The following PLXNC1 variants were observed in gnomAD, a reference collection of about 807,000 sequenced individuals.
PLXNC1 encodes plexin C1.
Under a neutral mutation model 178.2 loss-of-function variants are expected in PLXNC1, and 75 were observed. That is an observed-to-expected ratio of 0.42 (90% CI 0.35 to 0.51). The LOEUF (loss-of-function observed/expected upper bound fraction) is 0.51, where lower values mean the gene tolerates loss of function less well. Ranked by LOEUF, PLXNC1 falls within the 20% of genes least tolerant of loss-of-function variation. PLXNC1 has a pLI of 0.02. For missense variants in PLXNC1, 1,503 were observed against 1,984.4 expected (o/e 0.76, Z 4.61); for synonymous variants, 790 against 779.9 (o/e 1.01, Z -0.22).
At chr12:94,213,809 C>T (rs1277074040) in intron 5 of PLXNC1, among the ~76,000 whole-genome samples, 1 of 151,488 alleles carries the variant, frequency 6.6e-6, no homozygotes, top group Non-Finnish European at 1.5e-5. Flanking sequence ...GTCTTTAATC[C>T]ATCTTGAATT....
intron 15 of PLXNC1, among the ~76,000 whole-genome samples, chr12:94,253,544 A>G (rs1964760646): frequency 6.6e-6 from 1 of 152,232 alleles, no homozygotes; most frequent in Non-Finnish European, 1.5e-5. Flanking sequence ...GGGAATCACT[A>G]CATCATACTC....
chr12:94,162,378 G>A (rs1802100345), intron 1 of PLXNC1, among the ~76,000 whole-genome samples: 1 of 152,162 alleles, frequency 6.6e-6, no homozygotes, highest in Non-Finnish European at 1.5e-5. Flanking sequence ...TGCAGGAGGA[G>A]AAGAATGGCA....
chr12:94,233,862 A>G (rs768016147), intron 9 of PLXNC1, among the ~76,000 whole-genome samples: 1 of 152,112 alleles, frequency 6.6e-6, no homozygotes, highest in Admixed American at 6.6e-5. Flanking sequence ...TTTCATTAAT[A>G]TATTAGTTCT....
intron 20 of PLXNC1, among the ~76,000 whole-genome samples, chr12:94,262,054 A>G (rs1387454279): frequency 6.6e-6 from 1 of 152,166 alleles, no homozygotes; most frequent in Non-Finnish European, 1.5e-5. Context: ...TGCTTTAGCC[A>G]CAACAGCTGC....
intron 1 of PLXNC1, among the ~76,000 whole-genome samples, 157 bp downstream of exon 1, chr12:94,150,190 G>A (rs1367667257): frequency 6.6e-6 from 1 of 152,198 alleles, no homozygotes; most frequent in Non-Finnish European, 1.5e-5. Context: ...CCGTCCGAAG[G>A]CTCCTCTCGG....
At chr12:94,213,609 T>A (rs1963557892) in intron 5 of PLXNC1, among the ~76,000 whole-genome samples, 1 of 152,250 alleles carries the variant, frequency 6.6e-6, no homozygotes, top group African/African-American at 2.4e-5. Flanking sequence ...GGTTGCCTGT[T>A]CACTCTGATG....
chr12:94,201,238 A>T lies in PLXNC1; in HGVS notation c.1440-8352A>T, dbSNP rs1202752423. ...AGGAGGAAACAGAGCTGTGATTAAGAATCCCCCAAGAAGCCTCGAATTGTG... is the reference window on the plus strand; with the variant it reads ...AGGAGGAAACAGAGCTGTGATTAAGTATCCCCCAAGAAGCCTCGAATTGTG... On this transcript the variant is annotated intron_variant, in intron 4 of 30. Coordinates refer to ENST00000258526, the MANE Select transcript of PLXNC1 (RefSeq NM_005761.3). Among the ~76,000 whole-genome samples, 3 of 152,238 alleles carry T rather than the reference A, an allele frequency of 2.0e-5. No homozygotes were observed. In the East Asian group the frequency reaches 5.8e-4, roughly 29 times the overall value.
At chr12:94,241,803 T>C (rs1964395417) in intron 11 of PLXNC1, among the ~76,000 whole-genome samples, 1 of 152,212 alleles carries the variant, frequency 6.6e-6, no homozygotes, top group South Asian at 2.1e-4. Context: ...TTGGTTATTG[T>C]GAAGAATGCT....
At chr12:94,275,047 T>C (rs1965831149) in intron 21 of PLXNC1, among the ~76,000 whole-genome samples, 3 of 152,194 alleles carry the variant, frequency 2.0e-5, no homozygotes, top group Admixed American at 2.0e-4. Flanking sequence ...GTTAGACGAC[T>C]TCCCTACATT....
intron 4 of PLXNC1, among the ~76,000 whole-genome samples, chr12:94,196,621 G>C (rs1022464465): frequency 1.3e-5 from 2 of 152,184 alleles, no homozygotes; most frequent in African/African-American, 2.4e-5. Flanking sequence ...GTCACAGAAG[G>C]CTTTGCAGTA....
At chr12:94,277,987 C>T in intron 21 of PLXNC1, 1 of 456,092 alleles carries the variant, frequency 2.2e-6, no homozygotes, top group Non-Finnish European at 4.4e-6. Flanking sequence ...ACATTGCCTC[C>T]TGCAGCCTCT....
intron 27 of PLXNC1, among the ~76,000 whole-genome samples, chr12:94,299,343 G>A (rs1968238201): frequency 6.6e-6 from 1 of 152,186 alleles, no homozygotes; most frequent in African/African-American, 2.4e-5. Flanking sequence ...TAGCTCATGA[G>A]CTCTCTTTGA....
rs764098501 is a variant in PLXNC1 at position 94,150,053 on chromosome 12, C to T, written c.1062+20C>T. On this transcript the variant is annotated intron_variant, in intron 1 of 30. Transcript: ENST00000258526. ...CACTGCGTAAGTCCTGCCCCCGGGGCGCCGCGGAGAGCGCTGCTGCCGGGG... is the reference window on the plus strand; with the variant it reads ...CACTGCGTAAGTCCTGCCCCCGGGGTGCCGCGGAGAGCGCTGCTGCCGGGG... The T allele has an allele frequency of 6.5e-7, 1 of 1,539,800 alleles. No individual in the cohort carries two copies. The highest frequency in any genetic ancestry group is 1.4e-5 in the African/African-American group (1 of 70,874).
intron 2 of PLXNC1, among the ~76,000 whole-genome samples, chr12:94,173,216 T>C (rs1330680700): frequency 6.6e-6 from 1 of 152,200 alleles, no homozygotes; most frequent in Non-Finnish European, 1.5e-5. Flanking sequence ...TGCATTTCTG[T>C]AAACACACAC....
chr12:94,214,423 G>A, intron 5 of PLXNC1, among the ~76,000 whole-genome samples: 1 of 152,016 alleles, frequency 6.6e-6, no homozygotes, highest in East Asian at 1.9e-4. Context: ...CTAAAACAAG[G>A]AATTCCACCA....
intron 6 of PLXNC1, among the ~76,000 whole-genome samples, chr12:94,220,622 TC>T (rs1392307545): frequency 1.3e-5 from 2 of 152,010 alleles, no homozygotes; most frequent in Non-Finnish European, 2.9e-5. Context: ...ATACAGTGAC[TC>T]CCCCTTGCCC....
intron 9 of PLXNC1, among the ~76,000 whole-genome samples, chr12:94,234,414 G>T (rs1964187916): frequency 6.6e-6 from 1 of 152,266 alleles, no homozygotes; most frequent in Non-Finnish European, 1.5e-5. Context: ...AAAGGATCGG[G>T]TATTCTATAA....
rs75086975 is a variant in PLXNC1, at chr12:94,286,930, A to G, written c.3879+4529A>G. Among the ~76,000 whole-genome samples, 39 of 152,290 alleles carry G rather than the reference A, an allele frequency of 2.6e-4. No homozygotes were observed. The East Asian group carries it at 7.0e-3, about 27-fold the overall frequency. On this transcript the variant is annotated intron_variant, in intron 23 of 30. Coordinates refer to ENST00000258526, the MANE Select transcript of PLXNC1 (RefSeq NM_005761.3). ...GGGCATGACAAAAATATAGCATCTC[A>G]TGGACTAGATGCAGCCCCCAGAGCC...
chr12:94,247,367 C>T (rs970796384), intron 12 of PLXNC1, among the ~76,000 whole-genome samples: 1 of 152,138 alleles, frequency 6.6e-6, no homozygotes, highest in Non-Finnish European at 1.5e-5. Context: ...CCTTGTCCTC[C>T]TTGTGTCTAG....
Sources: allele counts gnomAD v4.1 joint callset (sites outside exome capture counted in the v4.1 genomes callset), GRCh38; gene constraint gnomAD v4.1.1; transcripts MANE v1.5; gene names NCBI Gene and HGNC (gene_info 2026-07-23, HGNC 2026-07-21).